The following MGLL variants were observed in gnomAD, a reference collection of about 807,000 sequenced individuals.
The protein encoded by MGLL is lysophospholipase homolog.
MGLL carries 7 observed loss-of-function variants against 29.1 expected under a neutral mutation model. The observed-to-expected ratio is 0.24, with a 90% CI of 0.14 to 0.45. The LOEUF (loss-of-function observed/expected upper bound fraction) is 0.45. MGLL is among the 20% of genes least tolerant of loss of function. The pLI, the probability that MGLL is intolerant of heterozygous loss-of-function variation, is 0.99. For missense variants in MGLL, 356 were observed against 413.6 expected, an observed-to-expected ratio of 0.86 and a Z score of 1.21; for synonymous variants, 148 against 168.3, an observed-to-expected ratio of 0.88 and a Z score of 0.93.
chr3:127,739,241 C>A (rs2076293914), intron 3 of MGLL, among the ~76,000 whole-genome samples: 1 of 152,162 alleles, frequency 6.6e-6, no homozygotes. Context: ...GTGGGGGGTT[C>A]AACTTCTTTG....
intron 3 of MGLL, among the ~76,000 whole-genome samples, chr3:127,778,658 G>T (rs997528264): frequency 6.6e-6 from 1 of 152,198 alleles, no homozygotes; most frequent in Admixed American, 6.5e-5. Context: ...GGTGCCATGG[G>T]CCCTGCAGCA....
chr3:127,699,752 C>G (rs2075442535), intron 6 of MGLL, among the ~76,000 whole-genome samples: 1 of 152,190 alleles, frequency 6.6e-6, no homozygotes, highest in Non-Finnish European at 1.5e-5. Context: ...CACTAGTGCT[C>G]TCAGAAAAGG....
At chr3:127,777,862 C>T (rs2077061910) in intron 3 of MGLL, among the ~76,000 whole-genome samples, 1 of 152,142 alleles carries the variant, frequency 6.6e-6, no homozygotes, top group Non-Finnish European at 1.5e-5. Flanking sequence ...AGAAAAGTGC[C>T]CAGTAGAGAG....
intron 3 of MGLL, among the ~76,000 whole-genome samples, chr3:127,725,779 T>C (rs867435354): frequency 6.6e-6 from 1 of 152,168 alleles, no homozygotes; most frequent in Non-Finnish European, 1.5e-5. Context: ...TAAAAGTAAA[T>C]TGCAGGCTGG....
chr3:127,742,262 C>T, intron 3 of MGLL, among the ~76,000 whole-genome samples: 1 of 152,164 alleles, frequency 6.6e-6, no homozygotes, highest in Non-Finnish European at 1.5e-5. Flanking sequence ...AACCCACCTT[C>T]TTTCTACTGT....
intron 3 of MGLL, among the ~76,000 whole-genome samples, chr3:127,778,672 T>C (rs1576277939): frequency 6.6e-6 from 1 of 152,276 alleles, no homozygotes; most frequent in East Asian, 1.9e-4. Flanking sequence ...TGCAGCAGTG[T>C]TTTCAGCTCC....
chr3:127,741,988 AT>A (rs1422245180), intron 3 of MGLL, among the ~76,000 whole-genome samples: 1 of 152,214 alleles, frequency 6.6e-6, no homozygotes, highest in East Asian at 1.9e-4. Flanking sequence ...AGTGACTTCA[AT>A]TTTTTGCTTT....
At chr3:127,819,820 A>ACAAACCTCTG (rs1481285956) in intron 2 of MGLL, among the ~76,000 whole-genome samples, 1 of 152,106 alleles carries the variant, frequency 6.6e-6, no homozygotes, top group African/African-American at 2.4e-5. Flanking sequence ...GCTGGCTGGC[A>ACAAACCTCTG]CAAACCTCTG....
chr3:127,797,441 G>C (rs9836311), intron 2 of MGLL, among the ~76,000 whole-genome samples: 5 of 152,102 alleles, frequency 3.3e-5, no homozygotes, highest in Non-Finnish European at 5.9e-5. Flanking sequence ...GAGCTGGAAG[G>C]CTCCTGAAAA....
chr3:127,729,573 A>G (rs1247773407), intron 3 of MGLL, among the ~76,000 whole-genome samples: 1 of 152,218 alleles, frequency 6.6e-6, no homozygotes, highest in Non-Finnish European at 1.5e-5. Context: ...TTGCAACACT[A>G]TCTATAAGAA....
intron 3 of MGLL, among the ~76,000 whole-genome samples, chr3:127,723,698 C>T (rs965263874): frequency 6.6e-6 from 1 of 152,232 alleles, no homozygotes; most frequent in East Asian, 1.9e-4. Flanking sequence ...ATATCCGTAA[C>T]ATAAATCGTA....
intron 3 of MGLL, among the ~76,000 whole-genome samples, chr3:127,737,225 C>T (rs1169287276): frequency 6.7e-6 from 1 of 149,800 alleles, no homozygotes; most frequent in Non-Finnish European, 1.5e-5. Flanking sequence ...TTCCTGTGTG[C>T]CCTGCTCTGT....
At chr3:127,816,107 T>C (rs2077751209) in intron 2 of MGLL, among the ~76,000 whole-genome samples, 1 of 152,136 alleles carries the variant, frequency 6.6e-6, no homozygotes, top group Non-Finnish European at 1.5e-5. Flanking sequence ...CAATAAGCTG[T>C]GTGATTTAGC....
In MGLL at chr3:127,771,159, A is replaced by G. The variant is rs115637895; in HGVS notation, c.262+10630T>C. Reference sequence around the variant, plus strand: ...AACCAAGCCCATGTAAGCAGGAACCACAACTGCTCATTGCCTCAGGCAGTT... The same window carrying G: ...AACCAAGCCCATGTAAGCAGGAACCGCAACTGCTCATTGCCTCAGGCAGTT... On this transcript the variant is annotated intron_variant, in intron 3 of 7. Transcript: ENST00000265052. Among the ~76,000 whole-genome samples, 992 of 152,260 alleles carry G rather than the reference A, an allele frequency of 6.5e-3. 14 individuals are homozygous for G. The highest frequency in any genetic ancestry group is 0.022 in the African/African-American group (925 of 41,534).
chr3:127,783,143 C>CAAAAAA lies in MGLL; in HGVS notation c.156-1254_156-1249dup, dbSNP rs72041528. ...TGGGTGACAGAGTGGGACTCTGTCT[C>CAAAAAA]AAAAAAAAAAAAAAAAAAAAAAAAA... is the stretch of plus-strand genomic sequence containing the variant. On this transcript the variant is annotated intron_variant, in intron 2 of 7. Transcript: ENST00000265052. Among the ~76,000 whole-genome samples, 68 of 63,920 alleles carry CAAAAAA rather than the reference C, an allele frequency of 1.1e-3. 4 individuals are homozygous for CAAAAAA. The highest frequency in any genetic ancestry group is 1.6e-3 in the Non-Finnish European group (61 of 37,770). The allele number at this position is 63,920 out of a possible 152,430, so 41.9% of individuals were successfully genotyped here. A position where few individuals can be genotyped will look rare whatever the true frequency, so the allele number is the denominator to read the frequency against.
chr3:127,813,142 T>G (rs991255593), intron 2 of MGLL, among the ~76,000 whole-genome samples: 9 of 152,214 alleles, frequency 5.9e-5, no homozygotes, highest in Non-Finnish European at 8.8e-5. Flanking sequence ...GCCTGTGCAG[T>G]TTTTTTGTGC....
chr3:127,727,704 T>TAAAAAAAAAAAAAAAAA, intron 3 of MGLL, among the ~76,000 whole-genome samples: 1 of 80,712 alleles, frequency 1.2e-5, no homozygotes, highest in Non-Finnish European at 2.3e-5. Context: ...AGAGCAAGGC[T>TAAAAAAAAAAAAAAAAA]AAAAAAAAAA....
chr3:127,716,937 T>A (rs764046533), intron 5 of MGLL, among the ~76,000 whole-genome samples: 29 of 152,298 alleles, frequency 1.9e-4, no homozygotes, highest in South Asian at 8.3e-4. Flanking sequence ...CCTTTCCCAG[T>A]GACCCTTGCT....
At chr3:127,769,727 C>CCCAGTG (rs2076918157) in intron 3 of MGLL, among the ~76,000 whole-genome samples, 1 of 152,226 alleles carries the variant, frequency 6.6e-6, no homozygotes, top group Non-Finnish European at 1.5e-5. Flanking sequence ...TCAGCATTTC[C>CCCAGTG]CCAGTGCCCA....
Sources: allele counts gnomAD v4.1 joint callset (sites outside exome capture counted in the v4.1 genomes callset), GRCh38; gene constraint gnomAD v4.1.1; transcripts MANE v1.5; gene names NCBI Gene and HGNC (gene_info 2026-07-23, HGNC 2026-07-21).